DERA: variants seen among roughly 807,000 people sequenced by gnomAD.
DERA encodes the protein 2-deoxy-D-ribose 5-phosphate aldolase.
Under a neutral mutation model 41.1 loss-of-function variants are expected in DERA, and 15 were observed. That is an observed-to-expected ratio of 0.37 (90% CI 0.24 to 0.56). The LOEUF (loss-of-function observed/expected upper bound fraction) is 0.56. Among genes scored for constraint, DERA ranks in the 20% least tolerant of loss-of-function variants. DERA has a pLI of 0.81. For missense variants in DERA, 396 were observed against 403.4 expected, an observed-to-expected ratio of 0.98 and a Z score of 0.16; for synonymous variants, 139 against 137.4, an observed-to-expected ratio of 1.01 and a Z score of -0.08.
rs538875081 is a variant in DERA, at chr12:15,994,875, A to T, written c.637+12439A>T. 6.6e-6 allele frequency among the ~76,000 whole-genome samples: 1 copy of T among 152,368 alleles called. No homozygotes were observed. Among genetic ancestry groups the T allele is most frequent in the African/African-American group, 2.4e-5 (1 of 41,594 alleles). The stretch of plus-strand genomic sequence containing the variant: ...ATAAATGAAAAAAGAGTAATAAATC[A>T]TGTGAAGTTGGTAGTTTATAAATTC... On this transcript the variant is annotated intron_variant, in intron 6 of 8. Transcript: ENST00000428559. This position sits in a 1 kb window ranked among gnomAD's most constrained non-coding sequence, Gnocchi z 4.8.
rs1948595697 is a variant in DERA, at chr12:15,962,662, G to A, written c.374-151G>A. On this transcript the variant is annotated intron_variant, in intron 4 of 8. Transcript: ENST00000428559. ...ATAAGTGATGTTCTTAAGTGTCAGT[G>A]CATTGGTCTTTAAATGCTGATGTTT... The A allele has an allele frequency of 5.1e-6, 3 of 589,560 alleles. No homozygotes were observed. In the South Asian group the frequency reaches 7.0e-5, roughly 14 times the overall value. The allele number at this position is 589,560 out of a possible 1,614,324, so 36.5% of individuals were successfully genotyped here.
rs1948306525 is a variant in DERA, at chr12:15,928,859, C to T, written c.31+17445C>T. Among the ~76,000 whole-genome samples, 1 of 152,076 alleles carries T rather than the reference C, an allele frequency of 6.6e-6. No homozygotes were observed. The highest frequency in any genetic ancestry group is 2.4e-5 in the African/African-American group (1 of 41,424). ...GGTTGTGGGGAGCCTTTTGGGTGTCCCTGAAATCTTGCCATTTTGACTTCT... is the reference window on the plus strand; with the variant it reads ...GGTTGTGGGGAGCCTTTTGGGTGTCTCTGAAATCTTGCCATTTTGACTTCT... On this transcript the variant is annotated intron_variant, in intron 1 of 8. Coordinates refer to ENST00000428559, the MANE Select transcript of DERA (RefSeq NM_015954.4). The surrounding 1 kb of genome is among the most constrained non-coding windows in gnomAD (Gnocchi z 4.6).
rs1948526257 is a variant in DERA, at chr12:15,954,911, G to A, written c.32-2025G>A. 6.6e-6 allele frequency among the ~76,000 whole-genome samples: 1 copy of A among 151,780 alleles called. No homozygotes were observed. Among genetic ancestry groups the A allele is most frequent in the South Asian group, 2.1e-4 (1 of 4,818 alleles). On this transcript the variant is annotated intron_variant, in intron 1 of 8. Transcript: ENST00000428559. This position sits in a 1 kb window ranked among gnomAD's most constrained non-coding sequence, Gnocchi z 4.0. ...CAATTAGTTGGCAGTGAGTCTTGGA[G>A]TTCACATACTCTTCACTCATTTTTC...
chr12:15,911,556 CA>C lies in DERA; in HGVS notation c.31+143del, dbSNP rs1353248543. 2 of 858,348 alleles carry C rather than the reference CA, an allele frequency of 2.3e-6. No individual in the cohort carries two copies. Among genetic ancestry groups the C allele is most frequent in the East Asian group, 2.7e-5 (1 of 37,330 alleles). The allele number at this position is 858,348 out of a possible 1,614,324, so 53.2% of individuals were successfully genotyped here. A position where few individuals can be genotyped will look rare whatever the true frequency, so the allele number is the denominator to read the frequency against. On this transcript the variant is annotated intron_variant, in intron 1 of 8. Coordinates refer to ENST00000428559, the MANE Select transcript of DERA (RefSeq NM_015954.4). The surrounding 1 kb of genome is among the most constrained non-coding windows in gnomAD (Gnocchi z 4.5). The stretch of plus-strand genomic sequence containing the variant: ...GGGGCGGGAAGCAGTGGCGTCTGGT[CA>C]GCCCTCACCCCAAGTAAAGGCCGAA...
intron 1 of DERA, among the ~76,000 whole-genome samples, chr12:15,937,194 G>A (rs1007575844): frequency 7.9e-5 from 12 of 152,040 alleles, no homozygotes; most frequent in Non-Finnish European, 1.6e-4. Flanking sequence ...GGGCTCTAGC[G>A]ATCTTCCCAT....
chr12:15,946,976 A>G lies in DERA; in HGVS notation c.32-9960A>G, dbSNP rs904514111. ...ACATCTTTATTTCTGCCTTCATTTC[A>G]TTATGTACCCAGTAGTTATTCAGGA... On this transcript the variant is annotated intron_variant, in intron 1 of 8. Transcript: ENST00000428559. Among the ~76,000 whole-genome samples the G allele has an allele frequency of 1.7e-4, 26 of 152,106 alleles. 1 individual carries two copies. The highest frequency in any genetic ancestry group is 1.7e-3 in the Admixed American group (26 of 15,276).
At chr12:16,027,608 A>G (rs991196881) in intron 6 of DERA, among the ~76,000 whole-genome samples, 3 of 152,238 alleles carry the variant, frequency 2.0e-5, no homozygotes, top group African/African-American at 7.2e-5. Context: ...GAAAGCCATT[A>G]GAAGAGGCAA....
At chr12:15,933,194 A>G (rs1372592539) in intron 1 of DERA, among the ~76,000 whole-genome samples, 1 of 152,144 alleles carries the variant, frequency 6.6e-6, no homozygotes, top group Non-Finnish European at 1.5e-5. Context: ...CGGTAGTGGG[A>G]TTGCCGGATC....
At chr12:15,977,538 C>T (rs1242236857) in intron 5 of DERA, among the ~76,000 whole-genome samples, 7 of 152,192 alleles carry the variant, frequency 4.6e-5, no homozygotes, top group Non-Finnish European at 1.0e-4. Context: ...CTGCAACCTT[C>T]GCCTCCCAGG....
Position 16,014,717 on chromosome 12 carries a change from C to T in DERA, c.638-17825C>T, listed in dbSNP as rs564492483. Among the ~76,000 whole-genome samples the T allele has an allele frequency of 6.6e-6, 1 of 152,296 alleles. No individual in the cohort carries two copies. Among genetic ancestry groups the T allele is most frequent in the East Asian group, 1.9e-4 (1 of 5,180 alleles). ...GCTGTGAGAAGAGGGCAACCGTCCT[C>T]CAGACCCCAGAATGGTAGATCCACC... On this transcript the variant is annotated intron_variant, in intron 6 of 8. Transcript: ENST00000428559. The surrounding 1 kb of genome is among the most constrained non-coding windows in gnomAD (Gnocchi z 5.4).
rs1948756837 is a variant in DERA at position 15,985,302 on chromosome 12, G to A, written c.637+2866G>A. ...CCCTCACTAAAAATAAGAGATAAGAGATCTTAAGGAGTTTGCCTAGAAGTA... is the reference window on the plus strand; with the variant it reads ...CCCTCACTAAAAATAAGAGATAAGAAATCTTAAGGAGTTTGCCTAGAAGTA... On this transcript the variant is annotated intron_variant, in intron 6 of 8. Transcript: ENST00000428559. The surrounding 1 kb of genome is among the most constrained non-coding windows in gnomAD (Gnocchi z 4.2). The A allele has an allele frequency of 6.6e-6, 1 of 152,190 alleles. No homozygotes were observed. The highest frequency in any genetic ancestry group is 2.4e-5 in the African/African-American group (1 of 41,446). 9.4% of individuals were successfully genotyped at this position (152,190 alleles called of 1,614,324 possible).
chr12:15,913,409 ATCTT>A lies in DERA; in HGVS notation c.31+1998_31+2001del, dbSNP rs1948178022. Among the ~76,000 whole-genome samples the A allele has an allele frequency of 2.0e-5, 3 of 152,166 alleles. No individual in the cohort carries two copies. In the South Asian group the frequency reaches 6.2e-4, roughly 32 times the overall value. On this transcript the variant is annotated intron_variant, in intron 1 of 8. Transcript: ENST00000428559. The surrounding 1 kb of genome is among the most constrained non-coding windows in gnomAD (Gnocchi z 4.5). ...TTTGAATTAGGTACTAGGGAAAAAA[ATCTT>A]TCAGTATTAATTTATGCAGTATATT...
rs1948841268 is a variant in DERA, at chr12:15,996,811, A to G, written c.637+14375A>G. On this transcript the variant is annotated intron_variant, in intron 6 of 8. Coordinates refer to ENST00000428559, the MANE Select transcript of DERA (RefSeq NM_015954.4). The surrounding 1 kb of genome is among the most constrained non-coding windows in gnomAD (Gnocchi z 4.7). ...AAACCCAGCAAACTTGAATTCAGGT[A>G]CAAAAGATTGATTTTTCCCTCTCAG... Among the ~76,000 whole-genome samples, 2 of 152,246 alleles carry G rather than the reference A, an allele frequency of 1.3e-5. No individual in the cohort carries two copies. The highest frequency in any genetic ancestry group is 2.9e-5 in the Non-Finnish European group (2 of 68,044).
rs1421388196 is a variant in DERA, at chr12:15,971,000, A to G, written c.508+8053A>G. Among the ~76,000 whole-genome samples, 1 of 152,206 alleles carries G rather than the reference A, an allele frequency of 6.6e-6. No homozygotes were observed. The highest frequency in any genetic ancestry group is 1.5e-5 in the Non-Finnish European group (1 of 68,042). Reference sequence around the variant, plus strand: ...AGAAAATCCAGGTTGTAAGATTTGGAAAAAGGAGTGTCCACACCATGGGAC... The same window carrying G: ...AGAAAATCCAGGTTGTAAGATTTGGGAAAAGGAGTGTCCACACCATGGGAC... On this transcript the variant is annotated intron_variant, in intron 5 of 8. Coordinates refer to ENST00000428559, the MANE Select transcript of DERA (RefSeq NM_015954.4). This position sits in a 1 kb window ranked among gnomAD's most constrained non-coding sequence, Gnocchi z 4.3.
In DERA at chr12:16,011,259, CT is replaced by C. The variant is rs1948944796; in HGVS notation, c.638-21282del. On this transcript the variant is annotated intron_variant, in intron 6 of 8. Coordinates refer to ENST00000428559, the MANE Select transcript of DERA (RefSeq NM_015954.4). The surrounding 1 kb of genome is among the most constrained non-coding windows in gnomAD (Gnocchi z 4.7). The stretch of plus-strand genomic sequence containing the variant: ...TTTGTTAAAATGTTTCTTCATTTTA[CT>C]CATCTTTGCCAAAGCATAGTGATAC... Among the ~76,000 whole-genome samples the C allele has an allele frequency of 6.6e-6, 1 of 152,156 alleles. No individual in the cohort carries two copies. The highest frequency in any genetic ancestry group is 2.4e-5 in the African/African-American group (1 of 41,436).
chr12:15,961,793 G>C (rs577247232), intron 4 of DERA, among the ~76,000 whole-genome samples: 1 of 152,248 alleles, frequency 6.6e-6, no homozygotes, highest in Non-Finnish European at 1.5e-5. Flanking sequence ...ACCCAGGCTG[G>C]AGTGCAGTGG....
Position 15,957,207 on chromosome 12 carries a change from CATTT to C in DERA, c.129+177_129+180del, listed in dbSNP as rs1948546983. ...GATGATGGGTTGGAGAAAGATAACA[CATTT>C]ATCCAAACAAGTTAAAATCTTATCA... On this transcript the variant is annotated intron_variant, in intron 2 of 8. Transcript: ENST00000428559. The surrounding 1 kb of genome is among the most constrained non-coding windows in gnomAD (Gnocchi z 4.8). Among the ~76,000 whole-genome samples, 1 of 152,166 alleles carries C rather than the reference CATTT, an allele frequency of 6.6e-6. No individual in the cohort carries two copies.
rs567848141 is a variant in DERA at position 15,965,876 on chromosome 12, C to G, written c.508+2929C>G. 9.1e-4 allele frequency among the ~76,000 whole-genome samples: 138 copies of G among 152,216 alleles called. No individual in the cohort carries two copies. Among genetic ancestry groups the G allele is most frequent in the African/African-American group, 3.0e-3 (125 of 41,522 alleles). ...ATTCCTTCCCTCGACTGTGCTGTGG[C>G]TCTCATCTCCCCCTGCATTTTCAGA... On this transcript the variant is annotated intron_variant, in intron 5 of 8. Coordinates refer to ENST00000428559, the MANE Select transcript of DERA (RefSeq NM_015954.4). This position sits in a 1 kb window ranked among gnomAD's most constrained non-coding sequence, Gnocchi z 4.1.
At chr12:15,956,256 A>T (rs190268646) in intron 1 of DERA, among the ~76,000 whole-genome samples, 4 of 152,396 alleles carry the variant, frequency 2.6e-5, no homozygotes, top group Admixed American at 2.6e-4. Context: ...TAGAAATTAC[A>T]GTTAACTGGA....
Sources: gnomAD v4.1 joint callset for allele counts (sites outside exome capture counted in the v4.1 genomes callset) on GRCh38, gnomAD v4.1.1 for gene constraint, Gnocchi (gnomAD v3.1) non-coding constraint, MANE v1.5 for transcripts, NCBI Gene and HGNC (gene_info 2026-07-23, HGNC 2026-07-21) for gene names.